Variants in NEK10 observed in about 807,000 individuals in gnomAD.
NEK10 encodes the protein NIMA related kinase 10, also known as serine/threonine-protein kinase Nek10.
A neutral mutation model predicts 159.8 loss-of-function variants in NEK10; 122 were observed. The observed-to-expected ratio is 0.76, with a 90% confidence interval of 0.66 to 0.89. The LOEUF is 0.89. Ranked by LOEUF, NEK10 falls within the 40% of genes least tolerant of loss-of-function variation. The probability of loss-of-function intolerance (pLI) is 0.00; values close to 1 mark genes in which losing one functional copy is unlikely to be tolerated. For synonymous variants in NEK10, 466 were observed against 457.1 expected (o/e 1.02, Z -0.25); for missense variants, 1,342 against 1,323.1 (o/e 1.01, Z -0.22).
intron 30 of NEK10, among the ~76,000 whole-genome samples, chr3:27,155,538 A>G (rs1198317510): frequency 6.7e-6 from 1 of 149,564 alleles, no homozygotes; most frequent in Non-Finnish European, 1.5e-5. Context: ...AAAATAAAAT[A>G]AAATAAAATA....
rs142810212 is a variant in NEK10, at chr3:27,181,984, A to T, written c.2506-7151T>A. Among the ~76,000 whole-genome samples, 350 of 152,304 alleles carry T rather than the reference A, an allele frequency of 2.3e-3. 2 individuals carry two copies. Among genetic ancestry groups the T allele is most frequent in the African/African-American group, 7.9e-3 (329 of 41,570 alleles). On this transcript the variant is annotated intron_variant, in intron 26 of 35. Transcript: ENST00000691995. ...TAAAATTAATAAGGAAATACAACAG[A>T]CCTAGAACACCCAAATCAAATTTGA... is the stretch of plus-strand genomic sequence containing the variant.
intron 23 of NEK10, among the ~76,000 whole-genome samples, chr3:27,206,342 T>A (rs1359431770): frequency 1.3e-5 from 2 of 152,088 alleles, no homozygotes; most frequent in East Asian, 3.9e-4. Flanking sequence ...AGAGAAGATA[T>A]AAAATAAAAC....
chr3:27,154,749 C>G (rs987816505), intron 30 of NEK10, among the ~76,000 whole-genome samples: 5 of 151,912 alleles, frequency 3.3e-5, no homozygotes, highest in South Asian at 4.1e-4. Flanking sequence ...ATCCAGCATC[C>G]CTTTATGATT....
At chr3:27,335,833 A>G (rs1026265694) in intron 5 of NEK10, among the ~76,000 whole-genome samples, 1 of 152,236 alleles carries the variant, frequency 6.6e-6, no homozygotes, top group Admixed American at 6.5e-5. Flanking sequence ...GAAACACGAC[A>G]TACCAAAACC....
intron 23 of NEK10, among the ~76,000 whole-genome samples, chr3:27,231,904 G>A (rs1164787969): frequency 6.6e-6 from 1 of 151,732 alleles, no homozygotes; most frequent in Non-Finnish European, 1.5e-5. Context: ...ATTCTACTAG[G>A]CATTCTAAGA....
At chr3:27,218,563 C>A (rs1442689314) in intron 23 of NEK10, among the ~76,000 whole-genome samples, 2 of 147,396 alleles carry the variant, frequency 1.4e-5, no homozygotes, top group Non-Finnish European at 3.0e-5. Flanking sequence ...CGAGATCACG[C>A]CACTGCACTC....
chr3:27,179,329 A>G (rs1947835483), intron 26 of NEK10, among the ~76,000 whole-genome samples: 1 of 152,168 alleles, frequency 6.6e-6, no homozygotes, highest in African/African-American at 2.4e-5. Flanking sequence ...TGACATAGTT[A>G]TTATCTCATT....
Position 27,121,786 on chromosome 3 carries a change from A to C in NEK10, c.3082-1918T>G, listed in dbSNP as rs918229113. Among the ~76,000 whole-genome samples, 3 of 152,198 alleles carry C rather than the reference A, an allele frequency of 2.0e-5. No individual in the cohort carries two copies. The East Asian group carries it at 5.8e-4, about 29-fold the overall frequency. Reference sequence around the variant, plus strand: ...GTAACAGAAATCAGGTAATGATTACATTGTGGCAGGAGATGTAATGTGGCC... The same window carrying C: ...GTAACAGAAATCAGGTAATGATTACCTTGTGGCAGGAGATGTAATGTGGCC... On this transcript the variant is annotated intron_variant, in intron 32 of 35. Transcript: ENST00000691995.
chr3:27,155,285 C>T lies in NEK10; in HGVS notation c.2869+7416G>A, dbSNP rs58444756. On this transcript the variant is annotated intron_variant, in intron 30 of 35. Coordinates refer to ENST00000691995, the MANE Select transcript of NEK10 (RefSeq NM_001394966.1). ...TTGGGAGGCCAAGGTGGGCAGATCACGAGGTCAAGAGATCGAGACCATCCT... is the reference window on the plus strand; with the variant it reads ...TTGGGAGGCCAAGGTGGGCAGATCATGAGGTCAAGAGATCGAGACCATCCT... Among the ~76,000 whole-genome samples the T allele has an allele frequency of 3.9e-3, 592 of 152,028 alleles. 6 individuals carry two copies. The highest frequency in any genetic ancestry group is 0.014 in the African/African-American group (562 of 41,500).
intron 22 of NEK10, among the ~76,000 whole-genome samples, chr3:27,282,538 T>TTTTA (rs1553615978): frequency 9.5e-5 from 4 of 42,144 alleles, no homozygotes; most frequent in East Asian, 3.1e-4. Flanking sequence ...CATAAATGTG[T>TTTTA]TATATATATA....
intron 19 of NEK10, among the ~76,000 whole-genome samples, chr3:27,288,584 A>G (rs1383179621): frequency 1.3e-5 from 2 of 152,124 alleles, no homozygotes; most frequent in African/African-American, 4.8e-5. Flanking sequence ...CTCTATTACA[A>G]TAGTTTGACT....
chr3:27,131,050 A>G (rs1286315190), intron 32 of NEK10, among the ~76,000 whole-genome samples: 1 of 152,214 alleles, frequency 6.6e-6, no homozygotes, highest in Non-Finnish European at 1.5e-5. Context: ...ATATTTTCTA[A>G]ATAATGAGTA....
At chr3:27,338,204 T>C (rs905428847) in intron 5 of NEK10, among the ~76,000 whole-genome samples, 1 of 152,218 alleles carries the variant, frequency 6.6e-6, no homozygotes, top group Non-Finnish European at 1.5e-5. Flanking sequence ...TTTCTGTCCT[T>C]GTAATATTTT....
At chr3:27,118,480 A>C (rs1265589362) in intron 33 of NEK10, among the ~76,000 whole-genome samples, 2 of 152,236 alleles carry the variant, frequency 1.3e-5, no homozygotes, top group Non-Finnish European at 2.9e-5. Flanking sequence ...AAGAGATGTG[A>C]AAATGTGAGT....
intron 22 of NEK10, among the ~76,000 whole-genome samples, chr3:27,278,489 G>A (rs1467572286): frequency 6.6e-6 from 1 of 152,114 alleles, no homozygotes; most frequent in Non-Finnish European, 1.5e-5. Context: ...GAAGAGCCTT[G>A]GAGCCTTTGA....
intron 26 of NEK10, among the ~76,000 whole-genome samples, chr3:27,178,431 A>G (rs1947744421): frequency 6.6e-6 from 1 of 152,234 alleles, no homozygotes; most frequent in Admixed American, 6.5e-5. Context: ...TAAAAAATGC[A>G]CTATTTCTTT....
At chr3:27,273,610 C>T (rs2041544728) in intron 22 of NEK10, among the ~76,000 whole-genome samples, 1 of 152,168 alleles carries the variant, frequency 6.6e-6, no homozygotes, top group South Asian at 2.1e-4. Flanking sequence ...TTTTTATCAT[C>T]TTAAAGATGT....
At chr3:27,364,520 A>G (rs978769845) in intron 1 of NEK10, among the ~76,000 whole-genome samples, 1 of 151,974 alleles carries the variant, frequency 6.6e-6, no homozygotes, top group African/African-American at 2.4e-5. Flanking sequence ...GAGCCACAGC[A>G]CCCGGCCATG....
At chr3:27,364,866 A>C (rs2048946159) in intron 1 of NEK10, among the ~76,000 whole-genome samples, 1 of 152,214 alleles carries the variant, frequency 6.6e-6, no homozygotes, top group Non-Finnish European at 1.5e-5. Context: ...CACTGTTCTA[A>C]GTGCTTTCTA....
Sources: gnomAD v4.1 joint callset for allele counts (sites outside exome capture counted in the v4.1 genomes callset) on GRCh38, gnomAD v4.1.1 for gene constraint, MANE v1.5 for transcripts, NCBI Gene and HGNC (gene_info 2026-07-23, HGNC 2026-07-21) for gene names.